The following SLC35D2 variants were observed in gnomAD, a reference collection of about 807,000 sequenced individuals.
The protein encoded by SLC35D2 is nucleotide sugar transporter SLC35D2.
Under a neutral mutation model 41.8 loss-of-function variants are expected in SLC35D2, and 43 were observed. The ratio of observed to expected loss-of-function variants is 1.03; its 90% CI spans 0.81 to 1.33. The LOEUF is 1.33. Among genes scored for constraint, SLC35D2 ranks in the 40% most tolerant of loss-of-function variants. SLC35D2 has a pLI of 0.00. For missense variants in SLC35D2, 380 were observed against 408.4 expected (o/e 0.93, Z 0.60); for synonymous variants, 150 against 163.9 (o/e 0.92, Z 0.65).
rs116333059 is a variant in SLC35D2 at position 96,344,591 on chromosome 9, T to A, written c.592-595A>T. 3.2e-3 allele frequency among the ~76,000 whole-genome samples: 242 copies of A among 74,782 alleles called. 1 individual carries two copies. The highest frequency in any genetic ancestry group is 0.014 in the African/African-American group (226 of 16,494). 49.1% of individuals were successfully genotyped at this position (74,782 alleles called of 152,430 possible). ...TAAAAAAAAAAAAAAAAGAGCAGAT[T>A]AAAAAAAATAGCTCATGGAAATAAG... On this transcript the variant is annotated intron_variant, in intron 7 of 11. Transcript: ENST00000253270.
Position 96,321,176 on chromosome 9 carries a change from A to T in SLC35D2, c.*66T>A. ...ACGAATCCGAAACCTCTGGCTTCAC[A>T]TTCCTACTGGGAATGCCCCCCCAGC... On this transcript the variant is annotated 3_prime_UTR_variant, in exon 12 of 12. Transcript: ENST00000253270. 1 of 1,242,144 alleles carries T rather than the reference A, an allele frequency of 8.1e-7. No homozygotes were observed. Among genetic ancestry groups the T allele is most frequent in the Non-Finnish European group, 1.2e-6 (1 of 852,626 alleles). The allele number at this position is 1,242,144 out of a possible 1,614,324, so 76.9% of individuals were successfully genotyped here. A position where few individuals can be genotyped will look rare whatever the true frequency, so the allele number is the denominator to read the frequency against.
At chr9:96,318,122 G>GA (rs34006347), downstream of SLC35D2, among the ~76,000 whole-genome samples, 81,072 of 151,452 alleles carry the variant, frequency 0.54, 21,932 homozygotes, top group African/African-American at 0.61. Context: ...TGTAGACACA[G>GA]ATCTTGCCAT....
chr9:96,383,017 A>G (rs1831272045), intron 1 of SLC35D2, among the ~76,000 whole-genome samples: 1 of 152,204 alleles, frequency 6.6e-6, no homozygotes, highest in African/African-American at 2.4e-5. Flanking sequence ...AAAGTACTCC[A>G]TATGAACTTC....
chr9:96,380,576 GC>G (rs1831156851), intron 1 of SLC35D2, among the ~76,000 whole-genome samples: 1 of 151,662 alleles, frequency 6.6e-6, no homozygotes, highest in South Asian at 2.1e-4. Context: ...TCCTGACTCA[GC>G]CTCCCAAGTA....
chr9:96,358,078 TTTTATATA>T (rs1830107283), intron 4 of SLC35D2, among the ~76,000 whole-genome samples: 1 of 79,258 alleles, frequency 1.3e-5, no homozygotes, highest in Admixed American at 1.3e-4. Flanking sequence ...ATATTATATA[TTTTATATA>T]TATATATATA....
intron 10 of SLC35D2, among the ~76,000 whole-genome samples, chr9:96,323,543 C>A (rs1394563198): frequency 6.6e-6 from 1 of 152,134 alleles, no homozygotes; most frequent in Non-Finnish European, 1.5e-5. Flanking sequence ...AGACCCACCC[C>A]CTCTGAGCCA....
At chr9:96,339,904 T>A (rs1387400351) in intron 8 of SLC35D2, among the ~76,000 whole-genome samples, 2 of 152,156 alleles carry the variant, frequency 1.3e-5, no homozygotes, top group East Asian at 3.9e-4. Context: ...ACACACACAT[T>A]TACCACAATC....
At chr9:96,330,750 A>C (rs1169673340) in intron 9 of SLC35D2, among the ~76,000 whole-genome samples, 2 of 152,178 alleles carry the variant, frequency 1.3e-5, no homozygotes, top group African/African-American at 2.4e-5. Context: ...TCACACAAAA[A>C]CTGCCTTCCA....
chr9:96,362,956 TC>T (rs1830336514), intron 3 of SLC35D2, among the ~76,000 whole-genome samples: 1 of 151,136 alleles, frequency 6.6e-6, no homozygotes, highest in Non-Finnish European at 1.5e-5. Context: ...AACCTCTGCC[TC>T]CTGGGTTCAA....
chr9:96,348,262 G>T (rs541577172), intron 6 of SLC35D2, among the ~76,000 whole-genome samples: 5 of 152,292 alleles, frequency 3.3e-5, no homozygotes, highest in African/African-American at 1.2e-4. Flanking sequence ...TGAATAAAAT[G>T]TAAGAGAAGG....
intron 1 of SLC35D2, among the ~76,000 whole-genome samples, chr9:96,375,146 G>C (rs141058054): frequency 0.025 from 3,822 of 150,960 alleles, 69 homozygotes; most frequent in Middle Eastern, 0.055. Context: ...CGCCCACCAC[G>C]ATGCCCGGCT....
At chr9:96,334,407 G>A (rs1419962312) in intron 9 of SLC35D2, among the ~76,000 whole-genome samples, 1 of 152,212 alleles carries the variant, frequency 6.6e-6, no homozygotes, top group Non-Finnish European at 1.5e-5. Flanking sequence ...GGAGGCCGAG[G>A]CAGGTGGATC....
chr9:96,354,405 A>C (rs1237204123), intron 4 of SLC35D2, among the ~76,000 whole-genome samples: 2 of 152,230 alleles, frequency 1.3e-5, no homozygotes, highest in Admixed American at 1.3e-4. Flanking sequence ...TGAATCAAGC[A>C]AACAGGCAGG....
chr9:96,321,945 G>A, intron 11 of SLC35D2, 53 bp downstream of exon 11: 2 of 1,001,372 alleles, frequency 2.0e-6, no homozygotes, highest in Non-Finnish European at 3.1e-6. Flanking sequence ...ATTAATCAGA[G>A]TGTTTAAGGT....
At chr9:96,359,760 G>A (rs1309951498) in intron 4 of SLC35D2, among the ~76,000 whole-genome samples, 1 of 151,972 alleles carries the variant, frequency 6.6e-6, no homozygotes, top group Admixed American at 6.6e-5. Flanking sequence ...GAAAATGTCT[G>A]TCATTATTTT....
At chr9:96,315,090 C>T (rs1434115821) in intron 11 of SLC35D2, among the ~76,000 whole-genome samples, 1 of 152,158 alleles carries the variant, frequency 6.6e-6, no homozygotes, top group Non-Finnish European at 1.5e-5. Flanking sequence ...AATGAGTCCA[C>T]AGGACTCCTC....
chr9:96,317,860 C>CATA (rs1828091798), downstream of SLC35D2, among the ~76,000 whole-genome samples: 1 of 143,130 alleles, frequency 7.0e-6, no homozygotes, highest in African/African-American at 2.5e-5. Context: ...CAGTCGCTAC[C>CATA]AAAAATACAA....
chr9:96,333,913 T>C (rs1158636342), intron 9 of SLC35D2, among the ~76,000 whole-genome samples: 1 of 152,154 alleles, frequency 6.6e-6, no homozygotes, highest in Non-Finnish European at 1.5e-5. Context: ...TCTAAGTTTG[T>C]GTACTAAGGG....
intron 4 of SLC35D2, among the ~76,000 whole-genome samples, chr9:96,356,401 T>G (rs1830027047): frequency 6.6e-6 from 1 of 150,660 alleles, no homozygotes; most frequent in African/African-American, 2.4e-5. Context: ...TTTTTTTTTT[T>G]TTGCAGAAAT....
Sources: allele counts gnomAD v4.1 joint callset (sites outside exome capture counted in the v4.1 genomes callset), GRCh38; gene constraint gnomAD v4.1.1; transcripts MANE v1.5; gene names NCBI Gene and HGNC (gene_info 2026-07-23, HGNC 2026-07-21).